The following DEPDC1B variants were observed in gnomAD, a reference collection of about 807,000 sequenced individuals.
DEPDC1B encodes DEP domain containing 1B, also known as DEP domain-containing protein 1B.
Under a neutral mutation model 66.5 loss-of-function variants are expected in DEPDC1B, and 51 were observed. The observed-to-expected ratio is 0.77, with a 90% CI of 0.61 to 0.97. The LOEUF (loss-of-function observed/expected upper bound fraction) is 0.97. Ranked by LOEUF, DEPDC1B falls within the 50% of genes least tolerant of loss-of-function variation. DEPDC1B has a pLI of 0.00. For synonymous variants in DEPDC1B, 226 were observed against 223.6 expected (o/e 1.01, Z -0.10); for missense variants, 552 against 637.1 (o/e 0.87, Z 1.44).
chr5:60,652,707 C>T lies in DEPDC1B; in HGVS notation c.315-5174G>A, dbSNP rs543251662. Among the ~76,000 whole-genome samples, 8 of 148,988 alleles carry T rather than the reference C, an allele frequency of 5.4e-5. 2 individuals are homozygous for T. The South Asian group carries it at 1.8e-3, about 34-fold the overall frequency. On this transcript the variant is annotated intron_variant, in intron 2 of 10. Transcript: ENST00000265036. ...CTGAGATTTTGGTGCACCCATCACC[C>T]GAGCAGTGTATACTGTAACCAATGT...
At chr5:60,678,595 AATAG>A (rs1754223974) in intron 2 of DEPDC1B, among the ~76,000 whole-genome samples, 1 of 152,236 alleles carries the variant, frequency 6.6e-6, no homozygotes, top group African/African-American at 2.4e-5. Flanking sequence ...TAAACATACT[AATAG>A]ATACATAGTT....
At chr5:60,645,646 A>G in intron 3 of DEPDC1B, 27 bp from the exon 4 acceptor site, 1 of 1,588,850 alleles carries the variant, frequency 6.3e-7, no homozygotes, top group Middle Eastern at 1.7e-4. Flanking sequence ...GTAAGAAGGG[A>G]GGGAAGGAGA....
At chr5:60,656,672 CCTT>C (rs1266605199) in intron 2 of DEPDC1B, among the ~76,000 whole-genome samples, 2 of 152,180 alleles carry the variant, frequency 1.3e-5, no homozygotes, top group Non-Finnish European at 2.9e-5. Flanking sequence ...GCAAACGTGT[CCTT>C]CTTCACAAGG....
chr5:60,678,220 T>C lies in DEPDC1B; in HGVS notation c.314+8742A>G, dbSNP rs969096046. 1.3e-5 allele frequency among the ~76,000 whole-genome samples: 2 copies of C among 152,252 alleles called. 1 individual carries two copies. The highest frequency in any genetic ancestry group is 4.2e-4 in the South Asian group (2 of 4,816). ...AAAATCAAGAAACAGAACTATTCCA[T>C]TACTCCCGAAAACGCTCCTTCCTGC... On this transcript the variant is annotated intron_variant, in intron 2 of 10. Transcript: ENST00000265036.
At chr5:60,615,001 AAATG>A (rs1752509460) in intron 7 of DEPDC1B, among the ~76,000 whole-genome samples, 2 of 152,232 alleles carry the variant, frequency 1.3e-5, no homozygotes, top group Admixed American at 1.3e-4. Flanking sequence ...AAAAATAAAT[AAATG>A]AATAAATAAA....
At chr5:60,644,303 C>T (rs973517965) in intron 5 of DEPDC1B, among the ~76,000 whole-genome samples, 5 of 152,090 alleles carry the variant, frequency 3.3e-5, no homozygotes, top group African/African-American at 9.7e-5. Context: ...AAAGCAATAT[C>T]AACATTTCAA....
intron 2 of DEPDC1B, among the ~76,000 whole-genome samples, chr5:60,683,309 G>T (rs1754339967): frequency 6.6e-6 from 1 of 152,156 alleles, no homozygotes; most frequent in South Asian, 2.1e-4. Flanking sequence ...GCGTGCGCTT[G>T]TAGTCCCTGC....
At chr5:60,652,511 A>T (rs894572044) in intron 2 of DEPDC1B, among the ~76,000 whole-genome samples, 2 of 149,338 alleles carry the variant, frequency 1.3e-5, no homozygotes, top group Non-Finnish European at 2.9e-5. Context: ...GTTAAAGGTT[A>T]CTAAGGAAGG....
intron 7 of DEPDC1B, among the ~76,000 whole-genome samples, chr5:60,632,360 G>A (rs1752945391): frequency 6.6e-6 from 1 of 152,190 alleles, no homozygotes; most frequent in Admixed American, 6.5e-5. Context: ...CAGGCACGCT[G>A]GGGAAAGGCG....
intron 6 of DEPDC1B, among the ~76,000 whole-genome samples, chr5:60,639,903 AC>A (rs1240812856): frequency 2.0e-5 from 3 of 152,230 alleles, no homozygotes; most frequent in East Asian, 1.9e-4. Flanking sequence ...ATAGACCTCT[AC>A]CCCCAGAGGA....
intron 9 of DEPDC1B, 46 bp downstream of exon 9, chr5:60,603,345 C>T (rs753503791): frequency 1.0e-5 from 15 of 1,451,580 alleles, no homozygotes; most frequent in Non-Finnish European, 8.2e-6. Flanking sequence ...GCTTACGTGA[C>T]TTTATATTGC....
At chr5:60,636,664 C>T (rs968933412) in intron 7 of DEPDC1B, among the ~76,000 whole-genome samples, 13 of 151,954 alleles carry the variant, frequency 8.6e-5, no homozygotes, top group African/African-American at 2.4e-4. Flanking sequence ...TGTGGTCTTC[C>T]GTATCTAGAA....
intron 7 of DEPDC1B, among the ~76,000 whole-genome samples, chr5:60,612,401 C>A (rs954647923): frequency 6.8e-6 from 1 of 146,604 alleles, no homozygotes; most frequent in African/African-American, 2.5e-5. Context: ...CCAGCCTGGG[C>A]AACAGCACAA....
At chr5:60,599,352 T>A in intron 9 of DEPDC1B, 92 bp from the exon 10 acceptor site, 1 of 977,852 alleles carries the variant, frequency 1.0e-6, no homozygotes, top group Non-Finnish European at 1.4e-6. Flanking sequence ...TATCTCCTTG[T>A]ACCGTAGCAA....
intron 7 of DEPDC1B, among the ~76,000 whole-genome samples, chr5:60,632,833 G>T (rs1311615083): frequency 6.6e-6 from 1 of 152,206 alleles, no homozygotes; most frequent in African/African-American, 2.4e-5. Flanking sequence ...AGGTGGCTGT[G>T]GTGGTGTTGG....
intron 7 of DEPDC1B, chr5:60,628,330 C>T (rs1262981652): frequency 1.3e-5 from 2 of 152,038 alleles, no homozygotes; most frequent in African/African-American, 2.4e-5. Context: ...CTAACATGTA[C>T]AACGTCAAGA....
At chr5:60,655,388 C>T (rs186594257) in intron 2 of DEPDC1B, among the ~76,000 whole-genome samples, 1 of 148,930 alleles carries the variant, frequency 6.7e-6, no homozygotes, top group Admixed American at 6.6e-5. Context: ...TATACATCTC[C>T]TCTAGGTTTT....
rs1040705257 is a variant in DEPDC1B, at chr5:60,641,469, C to T, written c.757+1343G>A. ...CCTCCCAAGTAGCTGGGACTACAGGCGCCCGCCACCAAGCCCAGCTAATTT... is the reference window on the plus strand; with the variant it reads ...CCTCCCAAGTAGCTGGGACTACAGGTGCCCGCCACCAAGCCCAGCTAATTT... On this transcript the variant is annotated intron_variant, in intron 6 of 10. Coordinates refer to ENST00000265036, the MANE Select transcript of DEPDC1B (RefSeq NM_018369.3). 5.9e-5 allele frequency among the ~76,000 whole-genome samples: 9 copies of T among 151,604 alleles called. 1 individual carries two copies. The Middle Eastern group carries it at 0.01, about 173-fold the overall frequency.
chr5:60,652,256 C>T (rs1753475826), intron 2 of DEPDC1B, among the ~76,000 whole-genome samples: 1 of 149,434 alleles, frequency 6.7e-6, no homozygotes, highest in Non-Finnish European at 1.5e-5. Context: ...GAGTTTTCAG[C>T]CCACTGATGT....
Sources: allele counts gnomAD v4.1 joint callset (sites outside exome capture counted in the v4.1 genomes callset), GRCh38; gene constraint gnomAD v4.1.1; transcripts MANE v1.5; gene names NCBI Gene and HGNC (gene_info 2026-07-23, HGNC 2026-07-21).